WWOX: variants seen among roughly 807,000 people sequenced by gnomAD.
WWOX encodes WW domain containing oxidoreductase.
A neutral mutation model predicts 46.2 loss-of-function variants in WWOX; 69 were observed. That is an observed-to-expected ratio of 1.49 (90% confidence interval 1.23 to 1.82). WWOX has a LOEUF of 1.82. Among genes scored for constraint, WWOX ranks in the 40% most tolerant of loss-of-function variants. WWOX has a pLI of 0.00. For missense variants in WWOX, 919 were observed against 542.6 expected, an observed-to-expected ratio of 1.69 and a Z score of -6.89; for synonymous variants, 359 against 202.6, an observed-to-expected ratio of 1.77 and a Z score of -6.56.
intron 8 of WWOX, among the ~76,000 whole-genome samples, chr16:78,656,600 G>C (rs1432518033): frequency 6.6e-6 from 1 of 152,178 alleles, no homozygotes; most frequent in Non-Finnish European, 1.5e-5. Flanking sequence ...CATGAGAACA[G>C]CAAGGGGGAA....
chr16:78,549,360 C>T (rs10514438), intron 8 of WWOX, among the ~76,000 whole-genome samples: 12,386 of 152,156 alleles, frequency 0.081, 568 homozygotes, highest in East Asian at 0.12. Context: ...TATATTTGTT[C>T]GAGTCACTTG....
intron 4 of WWOX, among the ~76,000 whole-genome samples, chr16:78,120,449 A>C (rs1023480843): frequency 6.6e-6 from 1 of 152,082 alleles, no homozygotes; most frequent in Admixed American, 6.5e-5. Flanking sequence ...GGGCGCCTGT[A>C]GTCCCAGCTA....
At chr16:78,642,585 G>A (rs948766476) in intron 8 of WWOX, among the ~76,000 whole-genome samples, 3 of 152,048 alleles carry the variant, frequency 2.0e-5, no homozygotes, top group African/African-American at 4.8e-5. Flanking sequence ...TGAGATTTCC[G>A]GGCAAGTTGA....
chr16:78,276,043 G>A (rs2079571239), intron 5 of WWOX, among the ~76,000 whole-genome samples: 1 of 152,192 alleles, frequency 6.6e-6, no homozygotes, highest in African/African-American at 2.4e-5. Flanking sequence ...CCTTCTGGCT[G>A]GCAGGGGTTT....
intron 8 of WWOX, among the ~76,000 whole-genome samples, chr16:79,174,494 C>A (rs11150142): frequency 0.36 from 54,740 of 151,932 alleles, 10,747 homozygotes; most frequent in Non-Finnish European, 0.45. Context: ...ACTAAAAATA[C>A]AAAAATTAGC....
chr16:79,156,594 C>G (rs2050386622), intron 8 of WWOX, among the ~76,000 whole-genome samples: 2 of 152,014 alleles, frequency 1.3e-5, no homozygotes, highest in South Asian at 4.1e-4. Flanking sequence ...AAAAACCAGA[C>G]AATTAACAAG....
intron 8 of WWOX, among the ~76,000 whole-genome samples, chr16:79,055,338 G>T (rs2048241951): frequency 6.6e-6 from 1 of 152,198 alleles, no homozygotes; most frequent in African/African-American, 2.4e-5. Flanking sequence ...TTGAGAGATA[G>T]AGTTGAATTC....
chr16:79,008,319 T>C (rs2047231129), intron 8 of WWOX, among the ~76,000 whole-genome samples: 1 of 152,198 alleles, frequency 6.6e-6, no homozygotes, highest in African/African-American at 2.4e-5. Flanking sequence ...CAGCCCCTTT[T>C]AAGGGCCTAG....
At chr16:78,716,966 G>C (rs778517763) in intron 8 of WWOX, among the ~76,000 whole-genome samples, 1 of 152,198 alleles carries the variant, frequency 6.6e-6, no homozygotes, top group South Asian at 2.1e-4. Flanking sequence ...GATAAGGAAT[G>C]TCTTGATGTT....
intron 8 of WWOX, among the ~76,000 whole-genome samples, chr16:78,734,470 G>A (rs751567032): frequency 5.3e-5 from 8 of 151,848 alleles, no homozygotes; most frequent in Non-Finnish European, 1.0e-4. Context: ...TAAATCTTAC[G>A]GTCTGCGGGT....
At chr16:78,855,678 C>G (rs1011632122) in intron 8 of WWOX, among the ~76,000 whole-genome samples, 2 of 152,216 alleles carry the variant, frequency 1.3e-5, no homozygotes, top group African/African-American at 4.8e-5. Context: ...TAGACTTAAT[C>G]ATTTTCAAGG....
intron 5 of WWOX, among the ~76,000 whole-genome samples, chr16:78,206,866 G>T (rs977738317): frequency 1.3e-5 from 2 of 152,144 alleles, no homozygotes; most frequent in African/African-American, 4.8e-5. Context: ...GACCCTTTTA[G>T]TCTTTTCTGT....
intron 8 of WWOX, among the ~76,000 whole-genome samples, chr16:78,971,372 T>C (rs1378008249): frequency 1.3e-5 from 2 of 150,506 alleles, no homozygotes; most frequent in African/African-American, 2.5e-5. Flanking sequence ...GGAGAATCTG[T>C]TGAGTCCGGG....
chr16:78,778,749 C>G (rs1453057408), intron 8 of WWOX, among the ~76,000 whole-genome samples: 1 of 152,098 alleles, frequency 6.6e-6, no homozygotes, highest in Non-Finnish European at 1.5e-5. Context: ...TTGAAAAACT[C>G]AAACCAAAGA....
chr16:78,630,816 A>C (rs1023953321), intron 8 of WWOX, among the ~76,000 whole-genome samples: 6 of 152,152 alleles, frequency 3.9e-5, no homozygotes, highest in Non-Finnish European at 5.9e-5. Flanking sequence ...TTGGGACCAG[A>C]CCTCAAGAAA....
intron 5 of WWOX, among the ~76,000 whole-genome samples, chr16:78,282,052 C>G (rs751500187): frequency 6.6e-6 from 1 of 152,182 alleles, no homozygotes. Context: ...CAGGGAGAAC[C>G]AGGATTGGCC....
At chr16:78,577,129 G>T (rs2044901786) in intron 8 of WWOX, among the ~76,000 whole-genome samples, 1 of 152,150 alleles carries the variant, frequency 6.6e-6, no homozygotes, top group Admixed American at 6.5e-5. Flanking sequence ...AGTCACCAGT[G>T]TCTCATAGGG....
chr16:78,726,310 A>C (rs926592403), intron 8 of WWOX, among the ~76,000 whole-genome samples: 2 of 151,254 alleles, frequency 1.3e-5, no homozygotes, highest in Non-Finnish European at 2.9e-5. Context: ...CTGCAGCCTC[A>C]ACCTCCTGGG....
At chr16:78,891,327 C>G (rs2044586319) in intron 8 of WWOX, 2 of 152,136 alleles carry the variant, frequency 1.3e-5, no homozygotes, top group Non-Finnish European at 1.5e-5. Flanking sequence ...CCTCCCTTCC[C>G]TCCTTTCTGT....
Sources: gnomAD v4.1 joint callset for allele counts (sites outside exome capture counted in the v4.1 genomes callset) on GRCh38, gnomAD v4.1.1 for gene constraint, MANE v1.5 for transcripts, NCBI Gene and HGNC (gene_info 2026-07-23, HGNC 2026-07-21) for gene names.